Variants in ATF7IP2 observed in about 807,000 individuals in gnomAD.
ATF7IP2 encodes activating transcription factor 7-interacting protein 2.
Under a neutral mutation model 64.2 loss-of-function variants are expected in ATF7IP2, and 42 were observed. The observed-to-expected ratio is 0.65, with a 90% CI of 0.51 to 0.85. The LOEUF (loss-of-function observed/expected upper bound fraction) is 0.85, where lower values mean the gene tolerates loss of function less well. Among genes scored for constraint, ATF7IP2 ranks in the 40% least tolerant of loss-of-function variants. The probability of loss-of-function intolerance (pLI) is 0.00; values close to 1 mark genes in which losing one functional copy is unlikely to be tolerated. For missense variants in ATF7IP2, 933 were observed against 784.2 expected (o/e 1.19, Z -2.27); for synonymous variants, 308 against 272.8 (o/e 1.13, Z -1.27).
intron 6 of ATF7IP2, among the ~76,000 whole-genome samples, chr16:10,437,043 C>T (rs1171932866): frequency 2.8e-5 from 4 of 144,036 alleles, no homozygotes; most frequent in Admixed American, 1.4e-4. Flanking sequence ...TTTTTTGAGA[C>T]GGAGTCTCGC....
rs1181217827 is a variant in ATF7IP2 at position 10,431,260 on chromosome 16, C to A, written c.640C>A (p.Gln214Lys). Residue 214 changes from glutamine (Q) to lysine (K), a missense_variant, in exon 5 of 14, where the codon CAA becomes AAA. Gln to Lys is a moderately conservative substitution (Grantham distance 53). Transcript: ENST00000562102. ...CAATTCAGAATCACATGATAAAAGGCAAAGTGACAACATTTTATGTTCAGA... is the reference window on the plus strand; with the variant it reads ...CAATTCAGAATCACATGATAAAAGGAAAAGTGACAACATTTTATGTTCAGA... Reference protein sequence around the residue: ...NSNSESHDKRQSDNILCSEDS... With the variant: ...NSNSESHDKRKSDNILCSEDS... The A allele has an allele frequency of 2.5e-5, 41 of 1,614,130 alleles. No homozygotes were observed. Among genetic ancestry groups the A allele is most frequent in the Non-Finnish European group, 3.4e-5 (40 of 1,179,996 alleles).
intron 8 of ATF7IP2, among the ~76,000 whole-genome samples, chr16:10,444,483 G>T (rs1398929902): frequency 6.6e-6 from 1 of 152,182 alleles, no homozygotes; most frequent in African/African-American, 2.4e-5. Context: ...TCAAGAGGCA[G>T]TGTTTGTGCT....
intron 6 of ATF7IP2, among the ~76,000 whole-genome samples, chr16:10,434,499 C>G (rs67308147): frequency 0.42 from 64,167 of 152,022 alleles, 15,570 homozygotes; most frequent in Non-Finnish European, 0.55. Context: ...TACATAGTTA[C>G]ATATACTATG....
intron 1 of ATF7IP2, among the ~76,000 whole-genome samples, chr16:10,400,368 T>C (rs552781713): frequency 6.6e-6 from 1 of 152,142 alleles, no homozygotes; most frequent in Non-Finnish European, 1.5e-5. Context: ...TCCTGAAACT[T>C]AGTTTGTTTA....
chr16:10,465,482 C>T (rs892862130), intron 9 of ATF7IP2, among the ~76,000 whole-genome samples: 1 of 151,818 alleles, frequency 6.6e-6, no homozygotes, highest in Admixed American at 6.6e-5. Context: ...CACAGTGACT[C>T]ACGCCTGTAA....
At chr16:10,387,634 A>G (rs1420097133) in intron 1 of ATF7IP2, 1 of 152,232 alleles carries the variant, frequency 6.6e-6, no homozygotes, top group Non-Finnish European at 1.5e-5. Flanking sequence ...TTGCTTCTGC[A>G]TATATCATAG....
At chr16:10,424,170 T>A (rs1346820591) in intron 3 of ATF7IP2, among the ~76,000 whole-genome samples, 1 of 152,232 alleles carries the variant, frequency 6.6e-6, no homozygotes, top group Non-Finnish European at 1.5e-5. Flanking sequence ...CTTAAGGGGT[T>A]TTCTGCCCTG....
At chr16:10,427,412 A>G (rs1017755511) in intron 3 of ATF7IP2, among the ~76,000 whole-genome samples, 1 of 152,212 alleles carries the variant, frequency 6.6e-6, no homozygotes, top group Non-Finnish European at 1.5e-5. Flanking sequence ...ACTCTTACGT[A>G]TTGACTGTAT....
intron 12 of ATF7IP2, among the ~76,000 whole-genome samples, 181 bp downstream of exon 12, chr16:10,474,170 A>G (rs756639159): frequency 2.2e-4 from 33 of 152,140 alleles, no homozygotes; most frequent in Non-Finnish European, 4.0e-4. Context: ...AAGCTCCTTC[A>G]TGCTACCCCT....
intron 8 of ATF7IP2, among the ~76,000 whole-genome samples, chr16:10,442,990 G>T (rs2048679470): frequency 6.6e-6 from 1 of 152,170 alleles, no homozygotes; most frequent in Admixed American, 6.6e-5. Flanking sequence ...ATAAACGTGA[G>T]AATCAAAAGA....
chr16:10,446,672 C>T (rs1344850685), intron 8 of ATF7IP2: 1 of 152,128 alleles, frequency 6.6e-6, no homozygotes, highest in Non-Finnish European at 1.5e-5. Context: ...GTTGCTTTTT[C>T]TTGTGTTTAG....
intron 1 of ATF7IP2, among the ~76,000 whole-genome samples, chr16:10,413,262 A>G (rs2047807666): frequency 6.6e-6 from 1 of 152,144 alleles, no homozygotes; most frequent in African/African-American, 2.4e-5. Context: ...GGGGGAGGTA[A>G]TTGAAACATG....
chr16:10,471,742 AATAG>A (rs2049807666), intron 9 of ATF7IP2, among the ~76,000 whole-genome samples: 1 of 152,294 alleles, frequency 6.6e-6, no homozygotes, highest in East Asian at 1.9e-4. Context: ...TATGGGTCTT[AATAG>A]ATTTCCTTCA....
chr16:10,391,877 C>T (rs1426444382), intron 1 of ATF7IP2, among the ~76,000 whole-genome samples: 2 of 147,996 alleles, frequency 1.4e-5, no homozygotes, highest in Non-Finnish European at 3.0e-5. Flanking sequence ...GCCTGGGTGA[C>T]AGAGTGAGAT....
At chr16:10,430,013 C>G (rs982781864) in intron 4 of ATF7IP2, among the ~76,000 whole-genome samples, 2 of 151,766 alleles carry the variant, frequency 1.3e-5, no homozygotes, top group Non-Finnish European at 2.9e-5. Flanking sequence ...GCCACCATGC[C>G]TGGCTAATTT....
chr16:10,482,000 A>G lies in ATF7IP2; in HGVS notation c.1800A>G (p.Lys600=). ...NGIALTWNIT[K]INPKCAPVES... ...TTGCCCTGACTTGGAATATAACCAAAATCAATCCCAAGTGTGCTCCTGTAG... is the reference window on the plus strand; with the variant it reads ...TTGCCCTGACTTGGAATATAACCAAGATCAATCCCAAGTGTGCTCCTGTAG... Residue 600 remains lysine, a synonymous_variant, in exon 14 of 14, where the codon AAA becomes AAG. Coordinates refer to ENST00000562102, the MANE Select transcript of ATF7IP2 (RefSeq NM_001393719.1). 1 of 1,614,012 alleles carries G rather than the reference A, an allele frequency of 6.2e-7. No homozygotes were observed. Among genetic ancestry groups the G allele is most frequent in the Non-Finnish European group, 8.5e-7 (1 of 1,179,982 alleles).
intron 9 of ATF7IP2, among the ~76,000 whole-genome samples, chr16:10,471,692 CTT>C (rs1358182091): frequency 1.3e-5 from 2 of 151,994 alleles, no homozygotes; most frequent in East Asian, 3.9e-4. Context: ...AAATAATTTT[CTT>C]TGTTATAGTT....
At chr16:10,405,498 G>A (rs1054091063) in intron 1 of ATF7IP2, among the ~76,000 whole-genome samples, 1 of 152,206 alleles carries the variant, frequency 6.6e-6, no homozygotes, top group African/African-American at 2.4e-5. Flanking sequence ...GCAGACCTTG[G>A]TCAGAGTGAA....
intron 1 of ATF7IP2, among the ~76,000 whole-genome samples, chr16:10,403,298 G>C (rs187123457): frequency 6.6e-6 from 1 of 152,192 alleles, no homozygotes; most frequent in East Asian, 1.9e-4. Context: ...TACCATGCTG[G>C]CTACTCAAGA....
Sources: gnomAD v4.1 joint callset for allele counts (sites outside exome capture counted in the v4.1 genomes callset) on GRCh38, gnomAD v4.1.1 for gene constraint, MANE v1.5 for transcripts, NCBI Gene and HGNC (gene_info 2026-07-23, HGNC 2026-07-21) for gene names.